PISD: variants seen among roughly 807,000 people sequenced by gnomAD.
The protein encoded by PISD is phosphatidylserine decarboxylase proenzyme, mitochondrial.
PISD carries 31 observed loss-of-function variants against 43.5 expected under a neutral mutation model. The ratio of observed to expected loss-of-function variants is 0.71; its 90% CI spans 0.54 to 0.96. The LOEUF (loss-of-function observed/expected upper bound fraction) is 0.96. Ranked by LOEUF, PISD falls within the 40% of genes least tolerant of loss-of-function variation. The probability of loss-of-function intolerance (pLI) is 0.00; values close to 1 mark genes in which losing one functional copy is unlikely to be tolerated. For synonymous variants in PISD, 259 were observed against 228.7 expected (o/e 1.13, Z -1.20); for missense variants, 523 against 548.4 (o/e 0.95, Z 0.46).
chr22:31,650,569 T>C, intron 2 of PISD, 130 bp downstream of exon 2: 3 of 521,348 alleles, frequency 5.8e-6, no homozygotes, highest in Non-Finnish European at 1.0e-5. Context: ...GCTTCAGTGA[T>C]AACTGCATGC....
Position 31,621,090 on chromosome 22 carries a change from C to T in PISD, c.750G>A (p.Glu250=), listed in dbSNP as rs777835869. The T allele has an allele frequency of 2.4e-5, 39 of 1,614,068 alleles. No individual in the cohort carries two copies. The highest frequency in any genetic ancestry group is 3.1e-5 in the Non-Finnish European group (37 of 1,180,028). Residue 250 remains glutamate, a synonymous_variant, in exon 6 of 8, where the codon GAG becomes GAA. Coordinates refer to ENST00000439502, the MANE Select transcript of PISD (RefSeq NM_001326411.2). ...CCAGGTAGATGACACAGTGATAGAG[C>T]TCATTCCCTTCCCGGGTGACCAGCT... The part of the protein sequence containing the change: ...KNQLVTREGN[E]LYHCVIYLAP...
chr22:31,627,188 C>T (rs2072954685), intron 3 of PISD, among the ~76,000 whole-genome samples: 1 of 152,196 alleles, frequency 6.6e-6, no homozygotes, highest in Non-Finnish European at 1.5e-5. Context: ...ATTTCTCCCC[C>T]GATCCAGGCT....
chr22:31,659,141 A>C (rs369843871), intron 1 of PISD, among the ~76,000 whole-genome samples: 1 of 152,252 alleles, frequency 6.6e-6, no homozygotes, highest in Non-Finnish European at 1.5e-5. Context: ...GGCATGAGAC[A>C]CCACGCCCAG....
chr22:31,656,612 C>T (rs1443666832), intron 1 of PISD, among the ~76,000 whole-genome samples: 1 of 151,944 alleles, frequency 6.6e-6, no homozygotes, highest in Non-Finnish European at 1.5e-5. Flanking sequence ...TCGCACACTG[C>T]ACTCCAGCCT....
chr22:31,623,554 C>T, intron 3 of PISD: 1 of 958,558 alleles, frequency 1.0e-6, no homozygotes, highest in African/African-American at 1.7e-5. Context: ...ACCTTCCGAC[C>T]CGGACCCCCT....
chr22:31,637,219 C>T (rs114111509), intron 3 of PISD, among the ~76,000 whole-genome samples: 1,311 of 100,320 alleles, frequency 0.013, 47 homozygotes, highest in African/African-American at 0.046. Flanking sequence ...AAAAATTAGC[C>T]GGGCATGGTG....
rs565400338 is a variant in PISD, at chr22:31,651,754, A to G, written c.66-976T>C. On this transcript the variant is annotated intron_variant, in intron 1 of 7. Coordinates refer to ENST00000439502, the MANE Select transcript of PISD (RefSeq NM_001326411.2). ...CAAGAGCAAAACTCCGTCTCAAAAA[A>G]AAAGGAAAATACTATTCTGGTTCAG... 3.9e-5 allele frequency among the ~76,000 whole-genome samples: 6 copies of G among 152,300 alleles called. 1 individual carries two copies. In the South Asian group the frequency reaches 1.2e-3, roughly 32 times the overall value.
At chr22:31,633,803 A>G (rs887450054) in intron 3 of PISD, among the ~76,000 whole-genome samples, 1 of 152,254 alleles carries the variant, frequency 6.6e-6, no homozygotes, top group African/African-American at 2.4e-5. Flanking sequence ...CCTTCCAACC[A>G]GACCTCCACC....
chr22:31,620,789 G>A, intron 6 of PISD, 76 bp from the exon 7 acceptor site: 2 of 1,558,972 alleles, frequency 1.3e-6, no homozygotes, highest in South Asian at 2.3e-5. Context: ...AGACCCAAAG[G>A]GACTCATGGC....
chr22:31,627,385 C>A (rs73400284), intron 3 of PISD, among the ~76,000 whole-genome samples: 1,657 of 152,362 alleles, frequency 0.011, 36 homozygotes, highest in African/African-American at 0.038. Flanking sequence ...AGGCCCAGGC[C>A]CATAGACAGC....
intron 7 of PISD, 69 bp from the exon 8 acceptor site, chr22:31,619,905 T>C (rs2072403804): frequency 2.0e-6 from 2 of 1,012,658 alleles, no homozygotes; most frequent in Admixed American, 4.5e-5. Flanking sequence ...CCACATGTGT[T>C]TGGAGTCCCA....
rs2073181980 is a variant in PISD at position 31,630,976 on chromosome 22, C to G, written c.322-9091G>C. 3.5e-6 allele frequency: 2 copies of G among 567,556 alleles called. No individual in the cohort carries two copies. The highest frequency in any genetic ancestry group is 2.0e-5 in the African/African-American group (1 of 49,416). 35.2% of individuals were successfully genotyped at this position (567,556 alleles called of 1,614,324 possible). A position where few individuals can be genotyped will look rare whatever the true frequency, so the allele number is the denominator to read the frequency against. On this transcript the variant is annotated intron_variant, in intron 3 of 7. Coordinates refer to ENST00000439502, the MANE Select transcript of PISD (RefSeq NM_001326411.2). The surrounding 1 kb of genome is among the most constrained non-coding windows in gnomAD (Gnocchi z 4.4). ...CTGCCGCCCCCTCTGAGCCCCAGTCCTGCTGGGCCGTCCGCCCAACCCGAG... is the reference window on the plus strand; with the variant it reads ...CTGCCGCCCCCTCTGAGCCCCAGTCGTGCTGGGCCGTCCGCCCAACCCGAG...
chr22:31,660,219 T>C (rs2074280181), intron 1 of PISD, among the ~76,000 whole-genome samples: 1 of 152,204 alleles, frequency 6.6e-6, no homozygotes, highest in Non-Finnish European at 1.5e-5. Flanking sequence ...TAAGGTTTCT[T>C]ATTGTACCCA....
intron 3 of PISD, among the ~76,000 whole-genome samples, chr22:31,633,917 T>A (rs1032780632): frequency 1.3e-5 from 2 of 152,208 alleles, no homozygotes; most frequent in Non-Finnish European, 2.9e-5. Flanking sequence ...TTTCCTACCT[T>A]GTATTTATTT....
At position 31,630,621 on chromosome 22, in the gene PISD, T is replaced by G. The variant is rs1347273762; in HGVS notation, c.322-8736A>C. 3 of 661,708 alleles carry G rather than the reference T, an allele frequency of 4.5e-6. No homozygotes were observed. The highest frequency in any genetic ancestry group is 5.6e-6 in the Non-Finnish European group (3 of 534,200). The allele number at this position is 661,708 out of a possible 1,614,324, so 41.0% of individuals were successfully genotyped here. ...AAAAAGCCCACGACTCGCTCAACCTTGTCCGCGGGGCTCCTCAGGCCGGGG... is the reference window on the plus strand; with the variant it reads ...AAAAAGCCCACGACTCGCTCAACCTGGTCCGCGGGGCTCCTCAGGCCGGGG... On this transcript the variant is annotated intron_variant, in intron 3 of 7. Coordinates refer to ENST00000439502, the MANE Select transcript of PISD (RefSeq NM_001326411.2). The surrounding 1 kb of genome is among the most constrained non-coding windows in gnomAD (Gnocchi z 4.4).
intron 1 of PISD, among the ~76,000 whole-genome samples, chr22:31,656,464 C>T (rs1757501463): frequency 6.6e-6 from 1 of 152,002 alleles, no homozygotes; most frequent in African/African-American, 2.4e-5. Flanking sequence ...GCCTGACCAA[C>T]ATGGTGAAAC....
chr22:31,619,167 C>A lies in PISD; in HGVS notation c.*445G>T. ...GGGGGAGAGGCATCCACAGTCTGTG[C>A]CAAGGAGGCACCTCACCCTGTGCAG... On this transcript the variant is annotated 3_prime_UTR_variant, in exon 8 of 8. Transcript: ENST00000439502. The A allele has an allele frequency of 3.5e-6, 1 of 284,020 alleles. No homozygotes were observed. Among genetic ancestry groups the A allele is most frequent in the South Asian group, 3.1e-5 (1 of 31,836 alleles). The allele number at this position is 284,020 out of a possible 1,614,324, so 17.6% of individuals were successfully genotyped here. A position where few individuals can be genotyped will look rare whatever the true frequency, so the allele number is the denominator to read the frequency against.
At position 31,647,660 on chromosome 22, in the gene PISD, C is replaced by T. The variant is rs541163745; in HGVS notation, c.321+441G>A. Among the ~76,000 whole-genome samples, 5 of 152,296 alleles carry T rather than the reference C, an allele frequency of 3.3e-5. No homozygotes were observed. In the East Asian group the frequency reaches 9.6e-4, roughly 29 times the overall value. ...GTGCATTCCGTAACAATGCAGGCTG[C>T]CCCTATCGTGTGACTATGATGGAAG... On this transcript the variant is annotated intron_variant, in intron 3 of 7. Coordinates refer to ENST00000439502, the MANE Select transcript of PISD (RefSeq NM_001326411.2).
rs114962330 is a variant in PISD, at chr22:31,654,413, A to G, written c.66-3635T>C. ...TTATCCAGTCCCATGGCTTTAAAGAACCATCCACTGATGACTCCTTCATTG... is the reference window on the plus strand; with the variant it reads ...TTATCCAGTCCCATGGCTTTAAAGAGCCATCCACTGATGACTCCTTCATTG... On this transcript the variant is annotated intron_variant, in intron 1 of 7. Coordinates refer to ENST00000439502, the MANE Select transcript of PISD (RefSeq NM_001326411.2). 4.8e-3 allele frequency among the ~76,000 whole-genome samples: 723 copies of G among 152,192 alleles called. 4 individuals are homozygous for G. The highest frequency in any genetic ancestry group is 0.017 in the African/African-American group (689 of 41,524).
Sources: gnomAD v4.1 joint callset for allele counts (sites outside exome capture counted in the v4.1 genomes callset) on GRCh38, gnomAD v4.1.1 for gene constraint, Gnocchi (gnomAD v3.1) non-coding constraint, MANE v1.5 for transcripts, NCBI Gene and HGNC (gene_info 2026-07-23, HGNC 2026-07-21) for gene names.